The following TTC39C variants were observed in gnomAD, a reference collection of about 807,000 sequenced individuals.
TTC39C encodes tetratricopeptide repeat protein 39C.
TTC39C carries 33 observed loss-of-function variants against 76.3 expected under a neutral mutation model. The ratio of observed to expected loss-of-function variants is 0.43; its 90% CI spans 0.33 to 0.58. The LOEUF (loss-of-function observed/expected upper bound fraction) is 0.58. TTC39C is among the 20% of genes least tolerant of loss of function. The pLI is 0.04. For synonymous variants in TTC39C, 254 were observed against 260.6 expected, an observed-to-expected ratio of 0.97 and a Z score of 0.24; for missense variants, 595 against 701.4, an observed-to-expected ratio of 0.85 and a Z score of 1.71.
chr18:24,122,500 C>CACAAAAA (rs2084980861), intron 8 of TTC39C, among the ~76,000 whole-genome samples: 1 of 51,052 alleles, frequency 2.0e-5, no homozygotes, highest in South Asian at 1.4e-3. Context: ...GACTCCATCT[C>CACAAAAA]AAAAAAAAAA....
At chr18:24,075,380 C>T (rs959631028) in intron 4 of TTC39C, among the ~76,000 whole-genome samples, 2 of 151,876 alleles carry the variant, frequency 1.3e-5, no homozygotes, top group African/African-American at 4.8e-5. Flanking sequence ...CATCTTTTGT[C>T]CTTCAAAGTC....
At chr18:24,021,189 T>C (rs2083513193) in intron 1 of TTC39C, among the ~76,000 whole-genome samples, 2 of 152,188 alleles carry the variant, frequency 1.3e-5, no homozygotes, top group Non-Finnish European at 2.9e-5. Context: ...CAAAGATGAA[T>C]TGATCTACTT....
chr18:24,123,766 A>G (rs1324281582), intron 8 of TTC39C, 68 bp from the exon 9 acceptor site: 4 of 1,124,354 alleles, frequency 3.6e-6, no homozygotes, highest in Non-Finnish European at 5.1e-6. Flanking sequence ...AAGTATCATC[A>G]CTTCAGGTAT....
At chr18:24,125,777 T>G (rs144429903) in intron 10 of TTC39C, 90 of 476,514 alleles carry the variant, frequency 1.9e-4, no homozygotes, top group African/African-American at 1.7e-3. Flanking sequence ...CTTGAACATG[T>G]GCTGCTTTTG....
chr18:24,105,062 G>GA (rs962709159), intron 6 of TTC39C, among the ~76,000 whole-genome samples: 41 of 144,478 alleles, frequency 2.8e-4, no homozygotes, highest in South Asian at 2.0e-3. Flanking sequence ...TTCAAAAAAA[G>GA]AAAAAAAAAA....
intron 1 of TTC39C, among the ~76,000 whole-genome samples, chr18:24,062,987 C>A (rs1357334999): frequency 1.3e-5 from 2 of 152,234 alleles, no homozygotes; most frequent in East Asian, 3.8e-4. Flanking sequence ...CACATACTCT[C>A]ACTTTGCATA....
chr18:24,010,264 C>T (rs1034251933), upstream of TTC39C, among the ~76,000 whole-genome samples: 1 of 152,188 alleles, frequency 6.6e-6, no homozygotes, highest in African/African-American at 2.4e-5. Context: ...TCGGGGTCTG[C>T]CTTATTTGGC....
At chr18:23,995,785 G>A (rs1344232569) in intron 1 of TTC39C, among the ~76,000 whole-genome samples, 3 of 151,914 alleles carry the variant, frequency 2.0e-5, no homozygotes, top group Non-Finnish European at 2.9e-5. Context: ...TGGGAGGATC[G>A]CTTGAGCCCA....
intron 1 of TTC39C, among the ~76,000 whole-genome samples, chr18:23,993,385 T>C (rs947309578): frequency 1.3e-5 from 2 of 152,178 alleles, no homozygotes; most frequent in African/African-American, 4.8e-5. Context: ...TAATAGAAAA[T>C]ATCTACAATA....
In TTC39C at chr18:24,131,899, A is replaced by G; in HGVS notation, c.1641A>G (p.Arg547=). ...LDKPETVGRG[R]ALLLQAKEDF... is the part of the protein sequence containing the mutation. The stretch of plus-strand genomic sequence containing the variant: ...TCTTATAGACTGTAGGAAGAGGCAG[A>G]GCTCTACTTCTTCAAGCAAAGGTAA... The change falls in exon 13 of 14, where the codon AGA becomes AGG. Residue 547 remains arginine, a synonymous_variant. Transcript: ENST00000317571. The G allele has an allele frequency of 6.2e-7, 1 of 1,613,350 alleles. No individual in the cohort carries two copies. The highest frequency in any genetic ancestry group is 8.5e-7 in the Non-Finnish European group (1 of 1,179,746).
At chr18:24,040,928 C>G (rs1286974262) in intron 1 of TTC39C, among the ~76,000 whole-genome samples, 1 of 151,896 alleles carries the variant, frequency 6.6e-6, no homozygotes, top group Non-Finnish European at 1.5e-5. Context: ...AAAACAGTTA[C>G]AAAGAGAAAA....
intron 8 of TTC39C, among the ~76,000 whole-genome samples, chr18:24,122,495 C>A (rs2084980449): frequency 6.1e-4 from 1 of 1,636 alleles, no homozygotes; most frequent in African/African-American, 5.4e-3. Flanking sequence ...AGCAAGACTC[C>A]ATCTCAAAAA....
intron 1 of TTC39C, among the ~76,000 whole-genome samples, chr18:24,024,956 A>C (rs984805673): frequency 3.3e-5 from 5 of 151,958 alleles, no homozygotes; most frequent in African/African-American, 1.2e-4. Flanking sequence ...GCAACCTCCA[A>C]CTCCTGGGTT....
chr18:24,006,820 T>C lies in TTC39C; in HGVS notation c.-17+13782T>C, dbSNP rs184180961. On this transcript the variant is annotated intron_variant, in intron 1 of 13. Coordinates refer to the TTC39C transcript ENST00000304621. Reference sequence around the variant, plus strand: ...ACAAACTTGGCACCAAGGTCTACTATGACACTTACCATATTGTGCTATGAA... The same window carrying C: ...ACAAACTTGGCACCAAGGTCTACTACGACACTTACCATATTGTGCTATGAA... 1.3e-4 allele frequency among the ~76,000 whole-genome samples: 20 copies of C among 152,336 alleles called. No individual in the cohort carries two copies. In the East Asian group the frequency reaches 3.1e-3, roughly 23 times the overall value.
intron 1 of TTC39C, chr18:24,022,773 C>A (rs1211936252): frequency 5.8e-5 from 57 of 985,316 alleles, no homozygotes; most frequent in Non-Finnish European, 6.6e-5. Context: ...TGATGTGGCC[C>A]TGTCTGCTTC....
chr18:24,081,089 CTG>C, intron 5 of TTC39C, 150 bp downstream of exon 5: 3 of 707,424 alleles, frequency 4.2e-6, no homozygotes, highest in Non-Finnish European at 6.9e-6. Flanking sequence ...ACACCAAGGA[CTG>C]TGTTCTGTGG....
intron 1 of TTC39C, among the ~76,000 whole-genome samples, chr18:24,023,772 AGT>A (rs1900676167): frequency 1.3e-5 from 2 of 150,228 alleles, no homozygotes; most frequent in South Asian, 4.2e-4. Flanking sequence ...TTGCTAGAGC[AGT>A]GACTCTCGAC....
At chr18:24,129,183 T>A (rs1056667505) in intron 11 of TTC39C, among the ~76,000 whole-genome samples, 200 bp downstream of exon 11, 1 of 152,254 alleles carries the variant, frequency 6.6e-6, no homozygotes, top group Non-Finnish European at 1.5e-5. Flanking sequence ...AACTTCATAT[T>A]CTTAGAATGC....
chr18:24,095,878 CAG>C (rs1180112787), intron 6 of TTC39C, among the ~76,000 whole-genome samples: 1 of 152,134 alleles, frequency 6.6e-6, no homozygotes, highest in Non-Finnish European at 1.5e-5. Flanking sequence ...CTTGAACACT[CAG>C]AGGCCATTGT....
Sources: allele counts gnomAD v4.1 joint callset (sites outside exome capture counted in the v4.1 genomes callset), GRCh38; gene constraint gnomAD v4.1.1; transcripts MANE v1.5; gene names NCBI Gene and HGNC (gene_info 2026-07-23, HGNC 2026-07-21).